The following MYOZ2 variants were observed in gnomAD, a reference collection of about 807,000 sequenced individuals.
MYOZ2 encodes the protein myozenin-2.
In MYOZ2, 19 loss-of-function variants were observed where a neutral mutation model predicts 25.4. That is an observed-to-expected ratio of 0.75 (90% CI 0.52 to 1.10). The LOEUF (loss-of-function observed/expected upper bound fraction) is 1.10, where lower values mean the gene tolerates loss of function less well. MYOZ2 is among the 50% of genes least tolerant of loss of function. The pLI is 0.00. For missense variants in MYOZ2, 270 were observed against 317.9 expected (o/e 0.85, Z 1.15); for synonymous variants, 92 against 106.9 (o/e 0.86, Z 0.86).
At chr4:119,137,524 G>A (rs76326844) in intron 2 of MYOZ2, among the ~76,000 whole-genome samples, 1,828 of 152,114 alleles carry the variant, frequency 0.012, 44 homozygotes, top group African/African-American at 0.041. Flanking sequence ...CTTGAGACCC[G>A]GGAAGAGTAT....
chr4:119,158,534 T>A (rs1454578837), intron 4 of MYOZ2, among the ~76,000 whole-genome samples: 1 of 151,998 alleles, frequency 6.6e-6, no homozygotes, highest in Non-Finnish European at 1.5e-5. Flanking sequence ...CCAGCCTGGG[T>A]AACAGAGTAA....
intron 5 of MYOZ2, among the ~76,000 whole-genome samples, chr4:119,174,132 C>A (rs113304698): frequency 3.3e-5 from 5 of 152,200 alleles, no homozygotes; most frequent in Non-Finnish European, 1.5e-5. Context: ...TGCTCCACTG[C>A]GCCCAGTCCC....
chr4:119,158,456 T>G (rs1468851015), intron 4 of MYOZ2, among the ~76,000 whole-genome samples: 1 of 151,934 alleles, frequency 6.6e-6, no homozygotes, highest in Non-Finnish European at 1.5e-5. Context: ...CTTGGGGGGC[T>G]GGGGTAGGAG....
chr4:119,150,175 G>A (rs1331726393), intron 2 of MYOZ2, among the ~76,000 whole-genome samples: 1 of 151,892 alleles, frequency 6.6e-6, no homozygotes, highest in East Asian at 1.9e-4. Context: ...TTAAGGTATG[G>A]GAGACACAGA....
intron 4 of MYOZ2, among the ~76,000 whole-genome samples, chr4:119,162,440 G>A (rs1349849536): frequency 6.6e-6 from 1 of 152,180 alleles, no homozygotes; most frequent in Non-Finnish European, 1.5e-5. Context: ...GAGAGGGTTA[G>A]AGCTAAAGGA....
intron 1 of MYOZ2, 50 bp from the exon 2 acceptor site, chr4:119,136,462 C>A (rs1741022887): frequency 6.8e-7 from 1 of 1,478,908 alleles, no homozygotes; most frequent in South Asian, 1.2e-5. Flanking sequence ...ATAAGACACT[C>A]CAAATGAGTT....
chr4:119,184,550 C>T (rs1742254426), intron 5 of MYOZ2, among the ~76,000 whole-genome samples: 1 of 152,176 alleles, frequency 6.6e-6, no homozygotes, highest in Admixed American at 6.5e-5. Flanking sequence ...AATATTATAA[C>T]ACCCTATTTT....
chr4:119,178,910 C>T (rs1470563873), intron 5 of MYOZ2, among the ~76,000 whole-genome samples: 2 of 152,158 alleles, frequency 1.3e-5, no homozygotes, highest in African/African-American at 4.8e-5. Flanking sequence ...CCCGGCTATT[C>T]AGTCTATTTT....
chr4:119,184,660 T>C (rs1742256335), intron 5 of MYOZ2, among the ~76,000 whole-genome samples: 3 of 152,250 alleles, frequency 2.0e-5, no homozygotes, highest in Admixed American at 2.0e-4. Context: ...TTGATTATAC[T>C]GCACACTTGA....
chr4:119,178,985 A>G (rs1009898484), intron 5 of MYOZ2, among the ~76,000 whole-genome samples: 6 of 152,234 alleles, frequency 3.9e-5, no homozygotes, highest in African/African-American at 1.4e-4. Context: ...AAAAGCTTTC[A>G]GACTGGACTT....
At chr4:119,140,557 A>G (rs1159155794) in intron 2 of MYOZ2, among the ~76,000 whole-genome samples, 3 of 152,208 alleles carry the variant, frequency 2.0e-5, no homozygotes, top group Non-Finnish European at 4.4e-5. Flanking sequence ...TTGTGAATTC[A>G]TAAGTTTTCT....
intron 2 of MYOZ2, among the ~76,000 whole-genome samples, chr4:119,144,414 T>C (rs905262109): frequency 1.3e-5 from 2 of 152,216 alleles, no homozygotes; most frequent in Non-Finnish European, 2.9e-5. Flanking sequence ...GAAGATGCTA[T>C]GAACATTTGG....
chr4:119,168,678 C>CAA (rs1253183411), intron 5 of MYOZ2, among the ~76,000 whole-genome samples: 134 of 139,442 alleles, frequency 9.6e-4, no homozygotes, highest in African/African-American at 4.2e-3. Context: ...AAAAAAACAA[C>CAA]AACAAAACAA....
intron 2 of MYOZ2, among the ~76,000 whole-genome samples, chr4:119,148,630 A>G (rs555728212): frequency 6.6e-6 from 1 of 150,590 alleles, no homozygotes; most frequent in Non-Finnish European, 1.5e-5. Flanking sequence ...CTATTTTACT[A>G]TTGAGCCCAT....
At chr4:119,139,905 C>G (rs1222019621) in intron 2 of MYOZ2, among the ~76,000 whole-genome samples, 1 of 151,620 alleles carries the variant, frequency 6.6e-6, no homozygotes, top group Non-Finnish European at 1.5e-5. Flanking sequence ...CATGACTGGG[C>G]AACAGCTTTC....
rs1211473823 is a variant in MYOZ2 at position 119,187,477 on chromosome 4, G to A, written c.*1277G>A. On this transcript the variant is annotated 3_prime_UTR_variant, in exon 6 of 6. Coordinates refer to ENST00000307128, the MANE Select transcript of MYOZ2 (RefSeq NM_016599.5). ...ACAAAAAAAAATCTGTGTTTGTAGT[G>A]TGGAAGTTGGTGACTGTTTTAATCA... 6.6e-6 allele frequency: 1 copy of A among 152,094 alleles called. No homozygotes were observed. Among genetic ancestry groups the A allele is most frequent in the Non-Finnish European group, 1.5e-5 (1 of 67,998 alleles). 9.4% of individuals were successfully genotyped at this position (152,094 alleles called of 1,614,324 possible).
At chr4:119,183,036 A>C (rs1742218253) in intron 5 of MYOZ2, among the ~76,000 whole-genome samples, 1 of 152,198 alleles carries the variant, frequency 6.6e-6, no homozygotes, top group African/African-American at 2.4e-5. Flanking sequence ...TAGCAGAGTG[A>C]TTGAACTATA....
chr4:119,148,751 T>C (rs1212598220), intron 2 of MYOZ2, among the ~76,000 whole-genome samples: 1 of 124,184 alleles, frequency 8.1e-6, no homozygotes, highest in Non-Finnish European at 1.8e-5. Context: ...TTTTTGCTGC[T>C]GCTGATGGAG....
chr4:119,179,506 T>TC (rs1237223480), intron 5 of MYOZ2, among the ~76,000 whole-genome samples: 1 of 152,170 alleles, frequency 6.6e-6, no homozygotes, highest in Non-Finnish European at 1.5e-5. Context: ...CTCTTTTTTT[T>TC]CATTACCTTA....
Sources: gnomAD v4.1 joint callset for allele counts (sites outside exome capture counted in the v4.1 genomes callset) on GRCh38, gnomAD v4.1.1 for gene constraint, MANE v1.5 for transcripts, NCBI Gene and HGNC (gene_info 2026-07-23, HGNC 2026-07-21) for gene names.